UBE2K: variants seen among roughly 807,000 people sequenced by gnomAD.
UBE2K encodes ubiquitin-conjugating enzyme E2 K.
In UBE2K, 6 loss-of-function variants were observed where a neutral mutation model predicts 30.0. The observed-to-expected ratio is 0.20, with a 90% confidence interval of 0.11 to 0.39. The LOEUF is 0.39. Ranked by LOEUF, UBE2K falls within the 10% of genes least tolerant of loss-of-function variation. The probability of loss-of-function intolerance (pLI) is 1.00; values close to 1 mark genes in which losing one functional copy is unlikely to be tolerated. For synonymous variants in UBE2K, 86 were observed against 83.7 expected, an observed-to-expected ratio of 1.03 and a Z score of -0.15; for missense variants, 61 against 241.6, an observed-to-expected ratio of 0.25 and a Z score of 4.96.
chr4:39,782,170 T>G lies in UBE2K; in HGVS notation c.*3736T>G, dbSNP rs1361472909. ...TTGAATGTGTCACCTTTTGCTTGGT[T>G]ATTTCAACCATGCTGCTATATATAA... is the stretch of plus-strand genomic sequence containing the variant. On this transcript the variant is annotated 3_prime_UTR_variant, in exon 7 of 7. Coordinates refer to ENST00000261427, the MANE Select transcript of UBE2K (RefSeq NM_005339.5). 1 of 388,358 alleles carries G rather than the reference T, an allele frequency of 2.6e-6. No individual in the cohort carries two copies. The highest frequency in any genetic ancestry group is 4.6e-6 in the Non-Finnish European group (1 of 219,668). The allele number at this position is 388,358 out of a possible 1,614,324, so 24.1% of individuals were successfully genotyped here.
chr4:39,774,379 G>A (rs1713149989), intron 4 of UBE2K, among the ~76,000 whole-genome samples: 2 of 151,812 alleles, frequency 1.3e-5, no homozygotes, highest in African/African-American at 2.4e-5. Context: ...AGGCCAAGGC[G>A]GGCGGATTAC....
chr4:39,721,698 C>T (rs531281261), intron 1 of UBE2K, among the ~76,000 whole-genome samples: 1 of 152,036 alleles, frequency 6.6e-6, no homozygotes, highest in Non-Finnish European at 1.5e-5. Flanking sequence ...AGAGAAAAGT[C>T]GAAAGGACAG....
intron 1 of UBE2K, among the ~76,000 whole-genome samples, chr4:39,713,373 C>CTGGT (rs1365992299): frequency 8.0e-6 from 1 of 124,570 alleles, no homozygotes; most frequent in Non-Finnish European, 1.6e-5. Flanking sequence ...GTTAGCCAGG[C>CTGGT]TGGTCTCTTC....
chr4:39,708,967 G>A (rs1178541711), intron 1 of UBE2K, among the ~76,000 whole-genome samples: 1 of 151,330 alleles, frequency 6.6e-6, no homozygotes, highest in Non-Finnish European at 1.5e-5. Flanking sequence ...AACTTGCCAA[G>A]GAGGTAGAGA....
At chr4:39,727,247 A>T (rs1478858505) in intron 1 of UBE2K, among the ~76,000 whole-genome samples, 1 of 152,244 alleles carries the variant, frequency 6.6e-6, no homozygotes, top group Non-Finnish European at 1.5e-5. Flanking sequence ...TAGGAAAAAC[A>T]TGGACAACAA....
rs1384696301 is a variant in UBE2K at position 39,760,172 on chromosome 4, G to GTC, written c.299+4434_299+4435dup. Among the ~76,000 whole-genome samples, 4 of 24,122 alleles carry GTC rather than the reference G, an allele frequency of 1.7e-4. No individual in the cohort carries two copies. In the African/African-American group the frequency reaches 2.0e-3, roughly 12 times the overall value. 15.8% of individuals were successfully genotyped at this position (24,122 alleles called of 152,430 possible). On this transcript the variant is annotated intron_variant, in intron 4 of 6. Coordinates refer to ENST00000261427, the MANE Select transcript of UBE2K (RefSeq NM_005339.5). Reference sequence around the variant, plus strand: ...AGCCTGGGTGACAGAGCGAGACTCTGTCACAAAAAAAAAAAAAAAACAGAA... The same window carrying GTC: ...AGCCTGGGTGACAGAGCGAGACTCTGTCTCACAAAAAAAAAAAAAAAACAGAA...
rs766305230 is a variant in UBE2K, at chr4:39,737,465, A to G, written c.109A>G (p.Thr37Ala). 2 of 1,574,376 alleles carry G rather than the reference A, an allele frequency of 1.3e-6. No homozygotes were observed. Among genetic ancestry groups the G allele is most frequent in the African/African-American group, 2.8e-5 (2 of 72,570 alleles). ...IKVDLVDENF[T>A]ELRGEIAGPP... ...AGTAGATCTTGTAGATGAGAATTTT[A>G]CAGAATTAAGAGGAGAAATAGCAGG... Residue 37 changes from threonine to alanine, a missense_variant, in exon 2 of 7, where the codon ACA (threonine) becomes GCA (alanine). Thr to Ala is a moderately conservative substitution (Grantham distance 58, BLOSUM62 0). Transcript: ENST00000261427.
chr4:39,708,192 G>A (rs1350595958), intron 1 of UBE2K, among the ~76,000 whole-genome samples: 1 of 152,026 alleles, frequency 6.6e-6, no homozygotes, highest in African/African-American at 2.4e-5. Flanking sequence ...GAGCCACCGC[G>A]CCTGGCCGAG....
chr4:39,771,497 T>G, intron 4 of UBE2K: 1 of 1,472,056 alleles, frequency 6.8e-7, no homozygotes, highest in Non-Finnish European at 9.0e-7. Context: ...AATCCCCTAT[T>G]TTCCCCACCC....
chr4:39,768,447 C>CAAAAAA (rs35005914), intron 4 of UBE2K, among the ~76,000 whole-genome samples: 63 of 88,116 alleles, frequency 7.1e-4, no homozygotes, highest in South Asian at 2.5e-3. Context: ...ACTTCGTTTC[C>CAAAAAA]AAAAAAAAAA....
At chr4:39,722,752 T>C (rs1719496117) in intron 1 of UBE2K, among the ~76,000 whole-genome samples, 1 of 151,520 alleles carries the variant, frequency 6.6e-6, no homozygotes, top group Non-Finnish European at 1.5e-5. Flanking sequence ...ATAAATGTTA[T>C]AAGGAAATGA....
chr4:39,732,435 A>G (rs1450686827), intron 1 of UBE2K, among the ~76,000 whole-genome samples: 3 of 152,198 alleles, frequency 2.0e-5, no homozygotes, highest in African/African-American at 7.2e-5. Context: ...GAACCTAGTC[A>G]TTATTTGAAA....
chr4:39,741,886 G>T (rs2109355457), intron 2 of UBE2K, among the ~76,000 whole-genome samples: 1 of 152,032 alleles, frequency 6.6e-6, no homozygotes. Context: ...TATTCTTCAA[G>T]AAGTTAATGT....
At chr4:39,716,318 T>C (rs1719056396) in intron 1 of UBE2K, among the ~76,000 whole-genome samples, 1 of 152,194 alleles carries the variant, frequency 6.6e-6, no homozygotes, top group Non-Finnish European at 1.5e-5. Context: ...TGATCACAGC[T>C]CACGCCGCAG....
intron 1 of UBE2K, among the ~76,000 whole-genome samples, chr4:39,725,400 A>C (rs1033549924): frequency 3.3e-5 from 5 of 151,374 alleles, no homozygotes; most frequent in Admixed American, 6.6e-5. Context: ...AAAAAAAAAA[A>C]AAAAAACACC....
intron 3 of UBE2K, among the ~76,000 whole-genome samples, chr4:39,755,108 A>C (rs1247060925): frequency 6.6e-6 from 1 of 152,076 alleles, no homozygotes. Context: ...GATTTCTTAA[A>C]CTCTAAGCCT....
chr4:39,758,637 C>T (rs980106393), intron 4 of UBE2K, among the ~76,000 whole-genome samples: 6 of 151,844 alleles, frequency 4.0e-5, no homozygotes, highest in Admixed American at 1.3e-4. Context: ...GAGATCATGC[C>T]ATTGCACTCT....
chr4:39,730,807 CTTCTT>C (rs1720030158), intron 1 of UBE2K, among the ~76,000 whole-genome samples: 1 of 117,934 alleles, frequency 8.5e-6, no homozygotes, highest in African/African-American at 3.0e-5. Flanking sequence ...GCTGCTATAG[CTTCTT>C]TTTTTTTTTT....
intron 5 of UBE2K, among the ~76,000 whole-genome samples, chr4:39,777,026 T>C (rs1713321917): frequency 6.6e-6 from 1 of 152,214 alleles, no homozygotes; most frequent in Admixed American, 6.5e-5. Flanking sequence ...TTAAAGTGAA[T>C]TGAATAGTTA....
Sources: allele counts gnomAD v4.1 joint callset (sites outside exome capture counted in the v4.1 genomes callset), GRCh38; gene constraint gnomAD v4.1.1; transcripts MANE v1.5; gene names NCBI Gene and HGNC (gene_info 2026-07-23, HGNC 2026-07-21).